The following MEF2A variants were observed in gnomAD, a reference collection of about 807,000 sequenced individuals.
The protein encoded by MEF2A is myocyte enhancer factor 2A.
MEF2A carries 28 observed loss-of-function variants against 55.8 expected under a neutral mutation model. The observed-to-expected ratio is 0.50, with a 90% confidence interval of 0.37 to 0.69. The LOEUF is 0.69. Among genes scored for constraint, MEF2A ranks in the 30% least tolerant of loss-of-function variants. The probability of loss-of-function intolerance (pLI) is 0.00; values close to 1 mark genes in which losing one functional copy is unlikely to be tolerated. For missense variants in MEF2A, 528 were observed against 626.2 expected, an observed-to-expected ratio of 0.84 and a Z score of 1.67; for synonymous variants, 239 against 227.1, an observed-to-expected ratio of 1.05 and a Z score of -0.47.
At chr15:99,626,685 C>T (rs756197376) in intron 2 of MEF2A, among the ~76,000 whole-genome samples, 29 of 152,002 alleles carry the variant, frequency 1.9e-4, no homozygotes, top group Admixed American at 5.2e-4. Flanking sequence ...AGAGAGAACC[C>T]GCTGATATGT....
chr15:99,612,681 G>A (rs1026981265), intron 2 of MEF2A, among the ~76,000 whole-genome samples: 1 of 152,016 alleles, frequency 6.6e-6, no homozygotes, highest in Admixed American at 6.6e-5. Flanking sequence ...TTCCAATCTG[G>A]GTAACTGAGT....
At chr15:99,651,150 C>A (rs1046976058) in intron 4 of MEF2A, among the ~76,000 whole-genome samples, 1 of 152,082 alleles carries the variant, frequency 6.6e-6, no homozygotes, top group East Asian at 1.9e-4. Context: ...CATTTCAGTT[C>A]GATTCCACAT....
intron 1 of MEF2A, among the ~76,000 whole-genome samples, chr15:99,568,328 A>T (rs1013501950): frequency 6.6e-6 from 1 of 151,444 alleles, no homozygotes; most frequent in Non-Finnish European, 1.5e-5. Context: ...TGTGACAAGG[A>T]TTTTTTTTTG....
At chr15:99,693,783 T>A (rs940513569) in intron 8 of MEF2A, among the ~76,000 whole-genome samples, 6 of 150,592 alleles carry the variant, frequency 4.0e-5, no homozygotes, top group Middle Eastern at 3.4e-3. Flanking sequence ...AAAACTCGAG[T>A]CTACACAAAG....
rs762442500 is a variant in MEF2A, at chr15:99,712,601, C to T, written c.1348C>T (p.Arg450Cys). The change falls in exon 12 of 12, where the codon CGC becomes TGC. Residue 450 changes from arginine to cysteine, a missense_variant. Physicochemically the swap from Arg to Cys is radical, Grantham distance 180. Coordinates refer to ENST00000557942, the MANE Select transcript of MEF2A (RefSeq NM_001319206.4). This position sits in a 1 kb window ranked among gnomAD's most constrained non-coding sequence, Gnocchi z 4.1. ...PQPQPRQEMGRSPVDSLSSSS... is the reference protein window; with the variant it reads ...PQPQPRQEMGCSPVDSLSSSS... ...GCCCCAGCCCCGACAGGAAATGGGG[C>T]GCTCCCCTGTGGACAGTCTGAGCAG... 53 of 1,551,766 alleles carry T rather than the reference C, an allele frequency of 3.4e-5. No homozygotes were observed. The highest frequency in any genetic ancestry group is 9.5e-5 in the South Asian group (8 of 84,050).
chr15:99,671,249 T>C, intron 4 of MEF2A, 74 bp from the exon 5 acceptor site: 1 of 1,527,382 alleles, frequency 6.5e-7, no homozygotes, highest in Non-Finnish European at 8.9e-7. Context: ...GTCTGTGCTC[T>C]CTTAATAAAT....
In MEF2A at chr15:99,712,276, T is replaced by A. The variant is rs930110082; in HGVS notation, c.1137-114T>A. Reference sequence around the variant, plus strand: ...GACCCAAACCAGTCTTGGGGAACTCTGATAAGATTTCAGACTCTGGGCCCT... The same window carrying A: ...GACCCAAACCAGTCTTGGGGAACTCAGATAAGATTTCAGACTCTGGGCCCT... On this transcript the variant is annotated intron_variant, in intron 11 of 11. Transcript: ENST00000557942. This position sits in a 1 kb window ranked among gnomAD's most constrained non-coding sequence, Gnocchi z 4.1. 2.8e-6 allele frequency: 4 copies of A among 1,432,274 alleles called. No individual in the cohort carries two copies. In the African/African-American group the frequency reaches 4.3e-5, roughly 15 times the overall value. The allele number at this position is 1,432,274 out of a possible 1,614,324, so 88.7% of individuals were successfully genotyped here.
chr15:99,710,391 C>T (rs1242111025), intron 10 of MEF2A, among the ~76,000 whole-genome samples: 8 of 152,128 alleles, frequency 5.3e-5, no homozygotes, highest in Admixed American at 6.5e-5. Context: ...TACAGGCATG[C>T]GCCACCACGC....
At chr15:99,575,618 A>G (rs925657234) in intron 1 of MEF2A, among the ~76,000 whole-genome samples, 3 of 152,168 alleles carry the variant, frequency 2.0e-5, no homozygotes, top group African/African-American at 7.2e-5. Flanking sequence ...CCCCTTTGTT[A>G]TTACTGAATA....
At chr15:99,707,932 T>G (rs938881036) in intron 10 of MEF2A, among the ~76,000 whole-genome samples, 1 of 142,630 alleles carries the variant, frequency 7.0e-6, no homozygotes, top group Non-Finnish European at 1.5e-5. Flanking sequence ...AATAAAAGGT[T>G]TTATTGAAAA....
At chr15:99,643,021 G>A (rs1198953984) in intron 3 of MEF2A, among the ~76,000 whole-genome samples, 2 of 152,132 alleles carry the variant, frequency 1.3e-5, no homozygotes, top group East Asian at 3.8e-4. Flanking sequence ...ACTAACTTTT[G>A]TGATTTCTTT....
intron 7 of MEF2A, among the ~76,000 whole-genome samples, chr15:99,681,344 G>C (rs550784847): frequency 6.6e-6 from 1 of 152,214 alleles, no homozygotes; most frequent in African/African-American, 2.4e-5. Flanking sequence ...GTGGGGATGG[G>C]ATGGCGGAGG....
Position 99,572,030 on chromosome 15 carries a change from T to TTC in MEF2A, c.-225+5927_-225+5928insCT, listed in dbSNP as rs941512097. On this transcript the variant is annotated intron_variant, in intron 1 of 11. Transcript: ENST00000557942. ...CCATAGAAGTTTTTTTTTTTTTTTT[T>TTC]TTCTTCACACAGCAGCCTGAGAATT... Among the ~76,000 whole-genome samples the TTC allele has an allele frequency of 2.0e-5, 3 of 151,766 alleles. No individual in the cohort carries two copies. The East Asian group carries it at 5.8e-4, about 29-fold the overall frequency.
intron 3 of MEF2A, among the ~76,000 whole-genome samples, chr15:99,638,087 T>C (rs185412139): frequency 2.6e-4 from 39 of 152,234 alleles, no homozygotes; most frequent in African/African-American, 8.7e-4. Context: ...AAATGTCTAT[T>C]CAAATCCTTT....
chr15:99,608,126 T>C (rs1432565063), intron 2 of MEF2A, among the ~76,000 whole-genome samples: 1 of 152,224 alleles, frequency 6.6e-6, no homozygotes, highest in Non-Finnish European at 1.5e-5. Context: ...TAATGGTTTA[T>C]GTAGTTTTAA....
At chr15:99,565,513 CAGGGCGCGACG>C (rs1959165090), upstream of MEF2A, 2 of 150,634 alleles carry the variant, frequency 1.3e-5, no homozygotes, top group Admixed American at 1.3e-4. Context: ...GCGGGGGCGG[CAGGGCGCGACG>C]CCGCCGGGCC....
At chr15:99,639,308 A>G (rs903111001) in intron 3 of MEF2A, among the ~76,000 whole-genome samples, 7 of 151,892 alleles carry the variant, frequency 4.6e-5, no homozygotes, top group African/African-American at 1.7e-4. Flanking sequence ...TTTTCTTTAT[A>G]TTTTTTAACA....
At chr15:99,623,472 G>A (rs139829994) in intron 2 of MEF2A, among the ~76,000 whole-genome samples, 76 of 152,216 alleles carry the variant, frequency 5.0e-4, no homozygotes, top group African/African-American at 1.7e-3. Flanking sequence ...CTGAGCAAAC[G>A]CCATACTGTT....
chr15:99,706,211 A>C (rs2058025418), intron 9 of MEF2A, among the ~76,000 whole-genome samples: 1 of 152,226 alleles, frequency 6.6e-6, no homozygotes, highest in African/African-American at 2.4e-5. Flanking sequence ...AAATAGGTCA[A>C]CTGCATGATT....
Sources: allele counts gnomAD v4.1 joint callset (sites outside exome capture counted in the v4.1 genomes callset), GRCh38; gene constraint gnomAD v4.1.1; non-coding constraint Gnocchi (gnomAD v3.1); transcripts MANE v1.5; gene names NCBI Gene and HGNC (gene_info 2026-07-23, HGNC 2026-07-21).